VTI1A: variants seen among roughly 807,000 people sequenced by gnomAD.
VTI1A encodes vesicle transport through interaction with t-SNAREs 1A.
A neutral mutation model predicts 34.9 loss-of-function variants in VTI1A; 22 were observed. The ratio of observed to expected loss-of-function variants is 0.63; its 90% confidence interval spans 0.45 to 0.90. VTI1A has a LOEUF of 0.90. Ranked by LOEUF, VTI1A falls within the 40% of genes least tolerant of loss-of-function variation. The pLI is 0.00. For synonymous variants in VTI1A, 87 were observed against 97.3 expected (o/e 0.89, Z 0.62); for missense variants, 268 against 275.6 (o/e 0.97, Z 0.20).
At chr10:112,725,190 T>C (rs542116022) in intron 7 of VTI1A, among the ~76,000 whole-genome samples, 2 of 152,366 alleles carry the variant, frequency 1.3e-5, no homozygotes, top group East Asian at 3.9e-4. Flanking sequence ...CTTTAAACGT[T>C]CTTTAATCTA....
chr10:112,600,000 C>T (rs1472976880), intron 5 of VTI1A, among the ~76,000 whole-genome samples: 1 of 152,136 alleles, frequency 6.6e-6, no homozygotes, highest in African/African-American at 2.4e-5. Flanking sequence ...TTATTATTCT[C>T]ATTTTACAGA....
the VTI1A span, among the ~76,000 whole-genome samples, chr10:112,850,136 A>AT: frequency 6.6e-6 from 1 of 152,180 alleles, no homozygotes; most frequent in Non-Finnish European, 1.5e-5. Flanking sequence ...TGCACATCTG[A>AT]TCAGCGTTTT....
At chr10:112,469,476 A>G (rs1408204710) in intron 3 of VTI1A, among the ~76,000 whole-genome samples, 1 of 152,182 alleles carries the variant, frequency 6.6e-6, no homozygotes, top group Non-Finnish European at 1.5e-5. Context: ...GCTCCTGTTG[A>G]CAATGCATGC....
chr10:112,639,510 A>G (rs1047688383), intron 5 of VTI1A, among the ~76,000 whole-genome samples: 2 of 152,166 alleles, frequency 1.3e-5, no homozygotes, highest in Admixed American at 6.5e-5. Context: ...TAGAAGCTTC[A>G]TGACTGACTC....
At chr10:112,505,604 C>T (rs559395307) in intron 3 of VTI1A, among the ~76,000 whole-genome samples, 5 of 151,670 alleles carry the variant, frequency 3.3e-5, no homozygotes, top group Admixed American at 6.6e-5. Flanking sequence ...TGTGGCTGTG[C>T]GTAAACTATG....
Position 112,493,668 on chromosome 10 carries a change from T to C in VTI1A, c.264+29011T>C, listed in dbSNP as rs576677782. Among the ~76,000 whole-genome samples, 95 of 152,320 alleles carry C rather than the reference T, an allele frequency of 6.2e-4. 2 individuals carry two copies. In the South Asian group the frequency reaches 0.019, roughly 31 times the overall value. ...TTTTATTCTGAGTTTGTTTTGAGTC[T>C]ATATTATAAATAGGTGTTGGATTTC... On this transcript the variant is annotated intron_variant, in intron 3 of 7. Coordinates refer to ENST00000393077, the MANE Select transcript of VTI1A (RefSeq NM_145206.4).
intron 5 of VTI1A, among the ~76,000 whole-genome samples, chr10:112,609,042 A>G (rs1023834621): frequency 6.6e-6 from 1 of 152,204 alleles, no homozygotes; most frequent in Non-Finnish European, 1.5e-5. Context: ...CGAAATCTAT[A>G]GAAATAATTA....
chr10:112,699,163 G>A (rs1848902432), intron 7 of VTI1A, among the ~76,000 whole-genome samples: 1 of 152,202 alleles, frequency 6.6e-6, no homozygotes, highest in African/African-American at 2.4e-5. Flanking sequence ...CAGCATAGAT[G>A]GCAGTTACCA....
At chr10:112,677,029 A>G (rs993377860) in intron 7 of VTI1A, among the ~76,000 whole-genome samples, 21 of 152,180 alleles carry the variant, frequency 1.4e-4, no homozygotes, top group African/African-American at 4.8e-4. Flanking sequence ...TTCCAGTGAA[A>G]GTAATGGCGT....
At chr10:112,562,722 G>T (rs1851770472) in intron 5 of VTI1A, among the ~76,000 whole-genome samples, 1 of 152,016 alleles carries the variant, frequency 6.6e-6, no homozygotes, top group Non-Finnish European at 1.5e-5. Flanking sequence ...AGAGGGAAAA[G>T]GTGGAATTTG....
chr10:112,636,180 G>C (rs1846345895), intron 5 of VTI1A, among the ~76,000 whole-genome samples: 1 of 152,172 alleles, frequency 6.6e-6, no homozygotes, highest in East Asian at 1.9e-4. Context: ...ACCTGTCAAA[G>C]TCAAGGCTGA....
intron 7 of VTI1A, among the ~76,000 whole-genome samples, chr10:112,707,575 G>C (rs1849245811): frequency 6.6e-6 from 1 of 151,994 alleles, no homozygotes; most frequent in Admixed American, 6.5e-5. Context: ...CTGGTGGTCT[G>C]CCCGCCTCTG....
intron 3 of VTI1A, among the ~76,000 whole-genome samples, chr10:112,508,623 G>T (rs891389024): frequency 2.6e-5 from 4 of 151,882 alleles, no homozygotes; most frequent in Non-Finnish European, 4.4e-5. Flanking sequence ...GTGTAGACTG[G>T]GTCTAAGAAT....
chr10:112,659,988 G>GT (rs770440240), intron 5 of VTI1A, among the ~76,000 whole-genome samples: 3 of 152,184 alleles, frequency 2.0e-5, no homozygotes, highest in Non-Finnish European at 4.4e-5. Flanking sequence ...ATTGTTTTGG[G>GT]TTTTTTAAAA....
chr10:112,681,078 CTTTT>C (rs11371825), intron 7 of VTI1A, among the ~76,000 whole-genome samples: 2 of 141,066 alleles, frequency 1.4e-5, no homozygotes, highest in Non-Finnish European at 3.1e-5. Context: ...TTTTTCTTTT[CTTTT>C]TTTTTTTTTT....
intron 7 of VTI1A, among the ~76,000 whole-genome samples, chr10:112,719,096 CTT>C (rs940178146): frequency 1.3e-4 from 20 of 152,170 alleles, no homozygotes; most frequent in African/African-American, 4.6e-4. Context: ...GAAGGAAAGA[CTT>C]TTATCTTTCA....
intron 7 of VTI1A, among the ~76,000 whole-genome samples, chr10:112,747,026 G>T (rs56852488): frequency 6.6e-6 from 1 of 152,148 alleles, no homozygotes; most frequent in African/African-American, 2.4e-5. Context: ...CTTACCCAGC[G>T]CAGTCACACA....
chr10:112,789,203 T>C (rs1264628646), intron 7 of VTI1A, among the ~76,000 whole-genome samples: 1 of 151,276 alleles, frequency 6.6e-6, no homozygotes, highest in Non-Finnish European at 1.5e-5. Flanking sequence ...GGACTTTATT[T>C]AGTATTTCTT....
At position 112,697,399 on chromosome 10, in the gene VTI1A, C is replaced by CTT. The variant is rs57723783; in HGVS notation, c.560+28417_560+28418dup. Among the ~76,000 whole-genome samples, 810 of 114,014 alleles carry CTT rather than the reference C, an allele frequency of 7.1e-3. 11 individuals carry two copies. Among genetic ancestry groups the CTT allele is most frequent in the African/African-American group, 0.032 (769 of 24,346 alleles). The allele number at this position is 114,014 out of a possible 152,430, so 74.8% of individuals were successfully genotyped here. Reference sequence around the variant, plus strand: ...ATTTTCTTTTCTTTTCTTTTCTTTTCTTTTTTTTTTTTTTTTTGAGAGAGT... The same window carrying CTT: ...ATTTTCTTTTCTTTTCTTTTCTTTTCTTTTTTTTTTTTTTTTTTTGAGAGAGT... On this transcript the variant is annotated intron_variant, in intron 7 of 7. Coordinates refer to ENST00000393077, the MANE Select transcript of VTI1A (RefSeq NM_145206.4).
Sources: gnomAD v4.1 joint callset for allele counts (sites outside exome capture counted in the v4.1 genomes callset) on GRCh38, gnomAD v4.1.1 for gene constraint, MANE v1.5 for transcripts, NCBI Gene and HGNC (gene_info 2026-07-23, HGNC 2026-07-21) for gene names.